ZNF536: variants seen among roughly 807,000 people sequenced by gnomAD.
ZNF536 encodes the protein zinc finger protein 536.
ZNF536 carries 13 observed loss-of-function variants against 84.5 expected under a neutral mutation model. The ratio of observed to expected loss-of-function variants is 0.15; its 90% CI spans 0.10 to 0.24. The LOEUF (loss-of-function observed/expected upper bound fraction) is 0.24, where lower values mean the gene tolerates loss of function less well. ZNF536 is among the 10% of genes least tolerant of loss of function. ZNF536 has a pLI of 1.00. For missense variants in ZNF536, 1,536 were observed against 1,747.5 expected, an observed-to-expected ratio of 0.88 and a Z score of 2.16; for synonymous variants, 811 against 742.5, an observed-to-expected ratio of 1.09 and a Z score of -1.50.
At chr19:30,377,632 C>T (rs2048868688) in intron 1 of ZNF536, among the ~76,000 whole-genome samples, 1 of 152,140 alleles carries the variant, frequency 6.6e-6, no homozygotes, top group African/African-American at 2.4e-5. Context: ...TGCTCTGCTA[C>T]AAGGGTTTGT....
intron 1 of ZNF536, among the ~76,000 whole-genome samples, chr19:30,677,451 T>C (rs575794171): frequency 4.2e-4 from 64 of 152,324 alleles, no homozygotes; most frequent in Admixed American, 1.5e-3. Flanking sequence ...TGGCCACCCT[T>C]GGCCATCCAC....
At chr19:30,701,486 AACAC>A (rs766334486) in intron 1 of ZNF536, among the ~76,000 whole-genome samples, 2 of 139,390 alleles carry the variant, frequency 1.4e-5, no homozygotes, top group East Asian at 2.2e-4. Flanking sequence ...GACACACACA[AACAC>A]ACACACAGAC....
chr19:30,565,580 A>C (rs1831281762), intron 1 of ZNF536, among the ~76,000 whole-genome samples: 1 of 152,060 alleles, frequency 6.6e-6, no homozygotes, highest in South Asian at 2.1e-4. Flanking sequence ...TTTTCTTTTT[A>C]AATTTTTGTT....
intron 1 of ZNF536, among the ~76,000 whole-genome samples, chr19:30,614,485 A>G (rs937065236): frequency 1.3e-5 from 2 of 151,896 alleles, no homozygotes; most frequent in Non-Finnish European, 2.9e-5. Flanking sequence ...AGAGAGAGAA[A>G]GTAGGTTTCT....
rs2146259761 is a variant in ZNF536, at chr19:30,549,502, C to T, written c.3883C>T (p.Pro1295Ser). 1 of 1,511,188 alleles carries T rather than the reference C, an allele frequency of 6.6e-7. No individual in the cohort carries two copies. Among genetic ancestry groups the T allele is most frequent in the Non-Finnish European group, 8.8e-7 (1 of 1,130,164 alleles). The allele number at this position is 1,511,188 out of a possible 1,614,324, so 93.6% of individuals were successfully genotyped here. Reference sequence around the variant, plus strand: ...AGCAAATTCTGGATGTATCAAGAGGCCAGACTTGTGTGGTAAGTTTTAGAA... The same window carrying T: ...AGCAAATTCTGGATGTATCAAGAGGTCAGACTTGTGTGGTAAGTTTTAGAA... ...STANSGCIKRPDLCGK is the reference protein window; with the variant it reads ...STANSGCIKRSDLCGK The change falls in exon 4 of 5, where the codon CCA becomes TCA. Residue 1295 changes from proline to serine, a missense_variant. By Grantham distance (74) the Pro-to-Ser change is moderately conservative. This residue lies in a region of ZNF536 where 624 missense variants were observed against 603.1 expected (regional missense o/e 1.03). Transcript: ENST00000355537.
chr19:30,642,618 G>C (rs943112331), intron 1 of ZNF536, among the ~76,000 whole-genome samples: 1 of 152,204 alleles, frequency 6.6e-6, no homozygotes, highest in Non-Finnish European at 1.5e-5. Flanking sequence ...AGAGGAGGCT[G>C]AAGTTTCAGA....
At chr19:30,250,382 G>A (rs1177716436) in intron 1 of ZNF536, among the ~76,000 whole-genome samples, 1 of 152,206 alleles carries the variant, frequency 6.6e-6, no homozygotes, top group Non-Finnish European at 1.5e-5. Context: ...TTGTCACACT[G>A]TGGTGACACA....
At chr19:30,449,464 C>T (rs995516059) in intron 2 of ZNF536, among the ~76,000 whole-genome samples, 18 of 152,164 alleles carry the variant, frequency 1.2e-4, no homozygotes, top group African/African-American at 3.9e-4. Flanking sequence ...AGTTCTGTTT[C>T]TTCAGATTTT....
intron 2 of ZNF536, among the ~76,000 whole-genome samples, chr19:30,335,684 A>C (rs2047359714): frequency 6.6e-6 from 1 of 152,184 alleles, no homozygotes; most frequent in Non-Finnish European, 1.5e-5. Context: ...AGAAGCTGCG[A>C]GTGCCACTTC....
At chr19:30,696,023 T>C (rs1431145759) in intron 1 of ZNF536, among the ~76,000 whole-genome samples, 1 of 152,240 alleles carries the variant, frequency 6.6e-6, no homozygotes, top group Non-Finnish European at 1.5e-5. Flanking sequence ...AGTGTCACCC[T>C]AATAATTTCA....
chr19:30,515,250 A>C (rs2055587577), intron 2 of ZNF536, among the ~76,000 whole-genome samples: 1 of 152,210 alleles, frequency 6.6e-6, no homozygotes, highest in Non-Finnish European at 1.5e-5. Context: ...CACCAGAGTG[A>C]GACCCTGTCT....
rs577457134 is a variant in ZNF536 at position 30,407,806 on chromosome 19, A to G, written c.-3+35250A>G. Among the ~76,000 whole-genome samples the G allele has an allele frequency of 3.9e-5, 6 of 152,366 alleles. No individual in the cohort carries two copies. The South Asian group carries it at 1.2e-3, about 32-fold the overall frequency. On this transcript the variant is annotated intron_variant, in intron 1 of 4. Coordinates refer to ENST00000355537, the MANE Select transcript of ZNF536 (RefSeq NM_014717.3). Reference sequence around the variant, plus strand: ...TGCACCCTTCTTGATGAGTGCAAAAACAATTGCATGACTCTACCATGATTG... The same window carrying G: ...TGCACCCTTCTTGATGAGTGCAAAAGCAATTGCATGACTCTACCATGATTG...
chr19:30,454,120 A>G (rs1219568309), intron 2 of ZNF536, among the ~76,000 whole-genome samples: 1 of 152,204 alleles, frequency 6.6e-6, no homozygotes, highest in Non-Finnish European at 1.5e-5. Context: ...AGCAGTGTCT[A>G]CCTTTAGGAA....
At chr19:30,380,320 G>A (rs1390634649) in intron 1 of ZNF536, among the ~76,000 whole-genome samples, 2 of 152,120 alleles carry the variant, frequency 1.3e-5, no homozygotes, top group Admixed American at 1.3e-4. Flanking sequence ...GGGGTTAAAC[G>A]TTGGCAGGAA....
At chr19:30,438,957 T>G (rs2051881160) in intron 1 of ZNF536, among the ~76,000 whole-genome samples, 1 of 152,122 alleles carries the variant, frequency 6.6e-6, no homozygotes, top group African/African-American at 2.4e-5. Context: ...AGCCGCTGCG[T>G]CTGGTCCCTT....
Position 30,688,031 on chromosome 19 carries a change from AAAG to A in ZNF536, c.170-22725_170-22723del, listed in dbSNP as rs755514632. Among the ~76,000 whole-genome samples the A allele has an allele frequency of 7.9e-3, 1,115 of 141,834 alleles. 17 individuals are homozygous for A. The highest frequency in any genetic ancestry group is 0.026 in the African/African-American group (1,018 of 38,876). 93.0% of individuals were successfully genotyped at this position (141,834 alleles called of 152,430 possible). On this transcript the variant is annotated intron_variant, in intron 1 of 1. Transcript: ENST00000592773. The stretch of plus-strand genomic sequence containing the variant: ...TTTATGACTGCTAAAAAAAAAAAAA[AAAG>A]GGCAGGCAGCAAAACAAACCAAGCC...
At chr19:30,603,064 T>G (rs1217225539) in intron 1 of ZNF536, among the ~76,000 whole-genome samples, 1 of 152,224 alleles carries the variant, frequency 6.6e-6, no homozygotes, top group African/African-American at 2.4e-5. Context: ...CCAGCCCGTG[T>G]GACGTTCTAC....
chr19:30,653,385 C>T (rs1011503299), intron 1 of ZNF536, among the ~76,000 whole-genome samples: 26 of 152,090 alleles, frequency 1.7e-4, no homozygotes, highest in Non-Finnish European at 3.5e-4. Flanking sequence ...TTAGGTGGGG[C>T]CCTCTGAGAG....
chr19:30,645,277 C>T lies in ZNF536; in HGVS notation c.170-65480C>T, dbSNP rs1038753250. Among the ~76,000 whole-genome samples, 15 of 152,074 alleles carry T rather than the reference C, an allele frequency of 9.9e-5. No homozygotes were observed. In the South Asian group the frequency reaches 1.5e-3, roughly 15 times the overall value. On this transcript the variant is annotated intron_variant, in intron 1 of 1. Coordinates refer to the ZNF536 transcript ENST00000592773. ...TAGATTCTGGATATTAGCCCTTTGT[C>T]AGGTGAGTAGATTGCAAAAATTTTC...
Sources: gnomAD v4.1 joint callset for allele counts (sites outside exome capture counted in the v4.1 genomes callset) on GRCh38, gnomAD v4.1.1 for gene constraint, gnomAD v4.1.1 regional missense constraint, MANE v1.5 for transcripts, NCBI Gene and HGNC (gene_info 2026-07-23, HGNC 2026-07-21) for gene names.